GATA6: variants seen among roughly 807,000 people sequenced by gnomAD.
The protein encoded by GATA6 is transcription factor GATA-6.
GATA6 carries 11 observed loss-of-function variants against 48.1 expected under a neutral mutation model. The observed-to-expected ratio is 0.23, with a 90% CI of 0.14 to 0.38. The LOEUF is 0.38. GATA6 is among the 10% of genes least tolerant of loss of function. GATA6 has a pLI of 1.00. For synonymous variants in GATA6, 419 were observed against 396.1 expected, an observed-to-expected ratio of 1.06 and a Z score of -0.69; for missense variants, 795 against 850.3, an observed-to-expected ratio of 0.93 and a Z score of 0.81.
At chr18:22,177,956 T>G (rs924937498) in intron 3 of GATA6, among the ~76,000 whole-genome samples, 2 of 130,300 alleles carry the variant, frequency 1.5e-5, no homozygotes, top group Non-Finnish European at 3.2e-5. Flanking sequence ...TTTTTTGTTT[T>G]TTTTTTTTTT....
intron 6 of GATA6, among the ~76,000 whole-genome samples, chr18:22,199,891 ACT>A (rs538011650): frequency 6.6e-4 from 87 of 132,478 alleles, no homozygotes; most frequent in African/African-American, 2.7e-3. Context: ...AGACAGTGAG[ACT>A]CTGTTTCAAA....
chr18:22,191,189 T>A (rs1324821788), intron 6 of GATA6, among the ~76,000 whole-genome samples: 1 of 152,140 alleles, frequency 6.6e-6, no homozygotes, highest in Non-Finnish European at 1.5e-5. Flanking sequence ...TATGTCCACA[T>A]AATTTATCAC....
At chr18:22,188,974 A>G (rs1311682969) in intron 6 of GATA6, among the ~76,000 whole-genome samples, 1 of 152,210 alleles carries the variant, frequency 6.6e-6, no homozygotes, top group Non-Finnish European at 1.5e-5. Context: ...CTGGTGATAT[A>G]TAACTTCCAC....
At position 22,202,400 on chromosome 18, in the gene GATA6, C is replaced by A. The variant is rs2033474624; in HGVS notation, c.*1577C>A. 6.6e-6 allele frequency: 1 copy of A among 152,182 alleles called. No homozygotes were observed. The highest frequency in any genetic ancestry group is 1.5e-5 in the Non-Finnish European group (1 of 68,042). 9.4% of individuals were successfully genotyped at this position (152,182 alleles called of 1,614,324 possible). ...AAGTCTCAAAGCTCACCTGAGGTTG[C>A]AGACGTTACCCCCAACAGAAGATAG... On this transcript the variant is annotated 3_prime_UTR_variant, in exon 7 of 7. Transcript: ENST00000269216.
At chr18:22,169,989 A>T (rs1311178187) in intron 1 of GATA6, among the ~76,000 whole-genome samples, 1 of 152,224 alleles carries the variant, frequency 6.6e-6, no homozygotes, top group East Asian at 1.9e-4. Context: ...CTTGCTATCT[A>T]GCCAGGTCTG....
rs991818254 is a variant in GATA6, at chr18:22,190,934, G to A, written c.1620+7891G>A. Among the ~76,000 whole-genome samples, 35 of 151,302 alleles carry A rather than the reference G, an allele frequency of 2.3e-4. 1 individual carries two copies. Among genetic ancestry groups the A allele is most frequent in the African/African-American group, 7.1e-4 (29 of 41,082 alleles). Reference sequence around the variant, plus strand: ...ATTGGCCTTTGCGTGAAAGTCACACGTCACCCCGGCAGGGAATGTTCAAGC... The same window carrying A: ...ATTGGCCTTTGCGTGAAAGTCACACATCACCCCGGCAGGGAATGTTCAAGC... On this transcript the variant is annotated intron_variant, in intron 6 of 6. Transcript: ENST00000269216.
chr18:22,169,700 T>TCGCGCGATCTCCCCGCTTTCCTCCC lies in GATA6; in HGVS notation c.-38+20_-38+44dup, dbSNP rs1335089564. 6.6e-6 allele frequency: 1 copy of TCGCGCGATCTCCCCGCTTTCCTCCC among 152,222 alleles called. No individual in the cohort carries two copies. Among genetic ancestry groups the TCGCGCGATCTCCCCGCTTTCCTCCC allele is most frequent in the Non-Finnish European group, 1.5e-5 (1 of 68,088 alleles). 9.4% of individuals were successfully genotyped at this position (152,222 alleles called of 1,614,324 possible). ...CGCCCGAGGTTCGGCTGCTTCCTCC[T>TCGCGCGATCTCCCCGCTTTCCTCCC]CGCGCGATCTCCCCGCTTTCCTCCC... On this transcript the variant is annotated intron_variant, in intron 1 of 6. Coordinates refer to ENST00000269216, the MANE Select transcript of GATA6 (RefSeq NM_005257.6).
rs1299831238 is a variant in GATA6 at position 22,171,792 on chromosome 18, G to A, written c.648G>A (p.Ala216=). 5.4e-6 allele frequency: 7 copies of A among 1,304,750 alleles called. No individual in the cohort carries two copies. In the South Asian group the frequency reaches 1.6e-4, roughly 31 times the overall value. 80.8% of individuals were successfully genotyped at this position (1,304,750 alleles called of 1,614,324 possible). Residue 216 remains alanine (A), a synonymous_variant, in exon 2 of 7, where the codon GCG becomes GCA. Transcript: ENST00000269216. The surrounding 1 kb of genome is among the most constrained non-coding windows in gnomAD (Gnocchi z 7.1). The part of the protein sequence containing the change: ...QGSGSGPANH[A]GGAGAHPGWP... ...CGGGCAGTGGGCCAGCCAACCACGC[G>A]GGCGGCGCGGGCGCGCACCCCGGCT...
intron 4 of GATA6, 23 bp from the exon 5 acceptor site, chr18:22,182,734 T>C (rs1364487747): frequency 3.3e-6 from 5 of 1,522,290 alleles, no homozygotes; most frequent in Non-Finnish European, 4.5e-6. Flanking sequence ...ATTAAATTTA[T>C]GGCCTATGTG....
intron 6 of GATA6, among the ~76,000 whole-genome samples, chr18:22,198,352 C>T (rs966959551): frequency 4.6e-5 from 7 of 152,230 alleles, no homozygotes; most frequent in East Asian, 1.9e-4. Context: ...ATTAAAGGCA[C>T]GAGCCACCGT....
At chr18:22,184,940 T>C (rs2143308824) in intron 6 of GATA6, among the ~76,000 whole-genome samples, 1 of 152,316 alleles carries the variant, frequency 6.6e-6, no homozygotes, top group Middle Eastern at 3.4e-3. Flanking sequence ...GTCACTTTTG[T>C]TGGTGGTACA....
chr18:22,171,840 C>A lies in GATA6; in HGVS notation c.696C>A (p.Ser232Arg). The A allele has an allele frequency of 8.2e-7, 1 of 1,221,886 alleles. No homozygotes were observed. Among genetic ancestry groups the A allele is most frequent in the Non-Finnish European group, 1.0e-6 (1 of 984,018 alleles). The allele number at this position is 1,221,886 out of a possible 1,614,324, so 75.7% of individuals were successfully genotyped here. A position where few individuals can be genotyped will look rare whatever the true frequency, so the allele number is the denominator to read the frequency against. ...GCTGGCCTCAGGCCTCGGCCGACAG[C>A]CCTCCATACGGCAGCGGAGGCGGCG... ...HPGWPQASAD[S>R]PPYGSGGGAA... Residue 232 changes from serine to arginine, a missense_variant, in exon 2 of 7, where the codon AGC becomes AGA. Ser to Arg is a moderately radical substitution (Grantham distance 110). Transcript: ENST00000269216. This position sits in a 1 kb window ranked among gnomAD's most constrained non-coding sequence, Gnocchi z 7.1.
chr18:22,179,481 G>GAT (rs2033167377), intron 3 of GATA6, among the ~76,000 whole-genome samples: 1 of 152,138 alleles, frequency 6.6e-6, no homozygotes, highest in Admixed American at 6.5e-5. Context: ...CTTATGATCT[G>GAT]CAGTTGACAG....
In GATA6 at chr18:22,198,216, C is replaced by A. The variant is rs541488013; in HGVS notation, c.1621-2440C>A. Among the ~76,000 whole-genome samples the A allele has an allele frequency of 2.6e-5, 4 of 152,176 alleles. No individual in the cohort carries two copies. The South Asian group carries it at 6.2e-4, about 24-fold the overall frequency. On this transcript the variant is annotated intron_variant, in intron 6 of 6. Coordinates refer to ENST00000269216, the MANE Select transcript of GATA6 (RefSeq NM_005257.6). ...CCTTCCATCTCGGCTCCCCAAATAGCTGGGACTACATGCCCAGCTAACTTT... is the reference window on the plus strand; with the variant it reads ...CCTTCCATCTCGGCTCCCCAAATAGATGGGACTACATGCCCAGCTAACTTT...
In GATA6 at chr18:22,201,031, C is replaced by T. The variant is rs2033456583; in HGVS notation, c.*208C>T. On this transcript the variant is annotated 3_prime_UTR_variant, in exon 7 of 7. Coordinates refer to ENST00000269216, the MANE Select transcript of GATA6 (RefSeq NM_005257.6). ...GGGCCAGTGCAACTGGGCGCTTGGG[C>T]CACTCCAGCCAGCCCGCCTCCGGGG... 1 of 659,656 alleles carries T rather than the reference C, an allele frequency of 1.5e-6. No individual in the cohort carries two copies. The highest frequency in any genetic ancestry group is 2.5e-6 in the Non-Finnish European group (1 of 393,698). The allele number at this position is 659,656 out of a possible 1,614,324, so 40.9% of individuals were successfully genotyped here.
At position 22,201,922 on chromosome 18, in the gene GATA6, C is replaced by T. The variant is rs1053171029; in HGVS notation, c.*1099C>T. On this transcript the variant is annotated 3_prime_UTR_variant, in exon 7 of 7. Transcript: ENST00000269216. ...AATTTTTTTTTTTGAATGGGATGTC[C>T]TATGGAAACCTATTTCACCAGAGTT... The T allele has an allele frequency of 3.3e-5, 5 of 152,144 alleles. No individual in the cohort carries two copies. The highest frequency in any genetic ancestry group is 7.4e-5 in the Non-Finnish European group (5 of 67,994). The allele number at this position is 152,144 out of a possible 1,614,324, so 9.4% of individuals were successfully genotyped here.
intron 4 of GATA6, 102 bp downstream of exon 4, chr18:22,181,680 A>G: frequency 8.5e-7 from 1 of 1,178,722 alleles, no homozygotes; most frequent in Non-Finnish European, 1.3e-6. Context: ...CAAGTGAAAA[A>G]TTTGAATGCA....
Position 22,171,741 on chromosome 18 carries a change from C to A in GATA6, c.597C>A (p.Pro199=). The change falls in exon 2 of 7, where the codon CCC becomes CCA. Residue 199 remains proline, a synonymous_variant. Transcript: ENST00000269216. The surrounding 1 kb of genome is among the most constrained non-coding windows in gnomAD (Gnocchi z 7.1). ...CCACCCGCGTGGGTTCCATGCTGCCCGGCCTACCGTACCACCTGCAGGGGT... is the reference window on the plus strand; with the variant it reads ...CCACCCGCGTGGGTTCCATGCTGCCAGGCCTACCGTACCACCTGCAGGGGT... The part of the protein sequence containing the change: ...VPTTRVGSML[P]GLPYHLQGSG... The A allele has an allele frequency of 6.8e-7, 1 of 1,465,608 alleles. No homozygotes were observed. Among genetic ancestry groups the A allele is most frequent in the South Asian group, 1.3e-5 (1 of 75,840 alleles). 90.8% of individuals were successfully genotyped at this position (1,465,608 alleles called of 1,614,324 possible). A position where few individuals can be genotyped will look rare whatever the true frequency, so the allele number is the denominator to read the frequency against.
At chr18:22,195,842 A>G (rs2033383017) in intron 6 of GATA6, among the ~76,000 whole-genome samples, 1 of 152,216 alleles carries the variant, frequency 6.6e-6, no homozygotes, top group Non-Finnish European at 1.5e-5. Flanking sequence ...AACCGTTCCC[A>G]TATTATTAGA....
Sources: allele counts gnomAD v4.1 joint callset (sites outside exome capture counted in the v4.1 genomes callset), GRCh38; gene constraint gnomAD v4.1.1; non-coding constraint Gnocchi (gnomAD v3.1); transcripts MANE v1.5; gene names NCBI Gene and HGNC (gene_info 2026-07-23, HGNC 2026-07-21).